CCDC88A: variants seen among roughly 807,000 people sequenced by gnomAD.
The protein encoded by CCDC88A is girdin.
Under a neutral mutation model 234.3 loss-of-function variants are expected in CCDC88A, and 54 were observed. The ratio of observed to expected loss-of-function variants is 0.23; its 90% CI spans 0.19 to 0.29. CCDC88A has a LOEUF of 0.29. CCDC88A is among the 10% of genes least tolerant of loss of function. The pLI, the probability that CCDC88A is intolerant of heterozygous loss-of-function variation, is 1.00. For synonymous variants in CCDC88A, 753 were observed against 737.8 expected (o/e 1.02, Z -0.33); for missense variants, 1,832 against 2,123.4 (o/e 0.86, Z 2.70).
chr2:55,301,046 G>T, intron 28 of CCDC88A, 160 bp downstream of exon 28: 1 of 578,186 alleles, frequency 1.7e-6, no homozygotes, highest in East Asian at 3.3e-5. Context: ...AGAGGCAGAA[G>T]GGAGTATTAG....
At chr2:55,349,632 T>C (rs1269792095) in intron 8 of CCDC88A, 33 bp from the exon 9 acceptor site, 4 of 1,468,240 alleles carry the variant, frequency 2.7e-6, no homozygotes, top group Non-Finnish European at 3.8e-6. Context: ...TTAAGTATAC[T>C]ATTTTTGAAA....
Position 55,301,233 on chromosome 2 carries a change from C to A in CCDC88A, c.4717G>T (p.Asp1573Tyr). Residue 1573 changes from aspartate (D) to tyrosine (Y), a missense_variant, in exon 28 of 33, where the codon GAT becomes TAT. Asp to Tyr is a radical substitution (Grantham distance 160). This residue lies in a region of CCDC88A where 422 missense variants were observed against 416.5 expected (regional missense o/e 1.01). Coordinates refer to ENST00000436346, the MANE Select transcript of CCDC88A (RefSeq NM_001365480.1). ...EDISPQGVSD[D>Y]SSTGSRVHAS... ...TGAACTCTTGATCCCGTACTAGAATCATCACTAACACCTTGTGGACTTATG... is the reference window on the plus strand; with the variant it reads ...TGAACTCTTGATCCCGTACTAGAATAATCACTAACACCTTGTGGACTTATG... The A allele has an allele frequency of 6.3e-7, 1 of 1,597,084 alleles. No homozygotes were observed. Among genetic ancestry groups the A allele is most frequent in the South Asian group, 1.1e-5 (1 of 89,406 alleles).
intron 2 of CCDC88A, chr2:55,403,502 C>T (rs1227698754): frequency 6.6e-6 from 1 of 152,238 alleles, no homozygotes; most frequent in African/African-American, 2.4e-5. Flanking sequence ...ATTGCCCACA[C>T]AATTTGGTAC....
intron 2 of CCDC88A, among the ~76,000 whole-genome samples, chr2:55,409,002 T>C (rs1034548750): frequency 6.6e-6 from 1 of 151,346 alleles, no homozygotes; most frequent in African/African-American, 2.5e-5. Context: ...CAATTCTGAA[T>C]AAATTCTACA....
At chr2:55,321,408 A>G (rs1333397059) in intron 18 of CCDC88A, among the ~76,000 whole-genome samples, 1 of 151,558 alleles carries the variant, frequency 6.6e-6, no homozygotes. Flanking sequence ...AAAATTAGCC[A>G]GGCGTGGTGG....
intron 2 of CCDC88A, among the ~76,000 whole-genome samples, chr2:55,402,700 T>G (rs1322444487): frequency 3.6e-5 from 4 of 111,434 alleles, no homozygotes; most frequent in Admixed American, 2.7e-4. Context: ...CGGCACATTT[T>G]ATTACTATTT....
chr2:55,397,261 A>C (rs542137910), intron 2 of CCDC88A: 3 of 151,882 alleles, frequency 2.0e-5, no homozygotes, highest in Admixed American at 6.6e-5. Context: ...CACCTGACTA[A>C]TTTTTGTATT....
At chr2:55,338,476 G>A (rs1370271871) in intron 13 of CCDC88A, among the ~76,000 whole-genome samples, 1 of 152,168 alleles carries the variant, frequency 6.6e-6, no homozygotes, top group Non-Finnish European at 1.5e-5. Flanking sequence ...AATTATGTGT[G>A]CAGAAAGATA....
intron 2 of CCDC88A, among the ~76,000 whole-genome samples, chr2:55,400,034 A>C (rs1574468797): frequency 6.6e-6 from 1 of 152,348 alleles, no homozygotes; most frequent in South Asian, 2.1e-4. Flanking sequence ...ATGCTCTAAA[A>C]AGAAATGTAG....
intron 6 of CCDC88A, 79 bp from the exon 7 acceptor site, chr2:55,362,527 G>T: frequency 1.7e-6 from 2 of 1,207,618 alleles, no homozygotes; most frequent in Non-Finnish European, 2.3e-6. Context: ...TACAATATTA[G>T]CCCAAGTATT....
At chr2:55,411,629 C>T (rs949661899) in intron 2 of CCDC88A, among the ~76,000 whole-genome samples, 9 of 151,474 alleles carry the variant, frequency 5.9e-5, no homozygotes, top group African/African-American at 2.2e-4. Flanking sequence ...AAACACAAAA[C>T]TTCACCAGGC....
intron 2 of CCDC88A, among the ~76,000 whole-genome samples, chr2:55,402,816 T>A (rs1454626001): frequency 2.0e-5 from 3 of 151,686 alleles, no homozygotes; most frequent in Non-Finnish European, 4.4e-5. Flanking sequence ...GAGACCATCC[T>A]GGCTAATATG....
chr2:55,410,630 ATC>A (rs1338650961), intron 2 of CCDC88A, among the ~76,000 whole-genome samples: 1 of 152,138 alleles, frequency 6.6e-6, no homozygotes, highest in East Asian at 1.9e-4. Context: ...CACGCCTCTA[ATC>A]TCTGCACTTT....
chr2:55,299,128 T>C (rs532149684), intron 29 of CCDC88A, among the ~76,000 whole-genome samples: 2 of 149,850 alleles, frequency 1.3e-5, no homozygotes, highest in Admixed American at 6.6e-5. Context: ...GGCTTGAACC[T>C]GGGAGGTGGA....
chr2:55,303,917 CA>C (rs1681209121), intron 25 of CCDC88A, among the ~76,000 whole-genome samples: 1 of 151,996 alleles, frequency 6.6e-6, no homozygotes, highest in African/African-American at 2.4e-5. Flanking sequence ...TTTTGGAAAA[CA>C]AAAATAACTT....
chr2:55,378,512 T>C (rs1182899555), intron 3 of CCDC88A, among the ~76,000 whole-genome samples: 1 of 151,970 alleles, frequency 6.6e-6, no homozygotes, highest in Non-Finnish European at 1.5e-5. Context: ...TGGGAGAGGG[T>C]AGGAAGTGAA....
At chr2:55,344,035 T>C (rs1319089105) in intron 11 of CCDC88A, 1 of 391,244 alleles carries the variant, frequency 2.6e-6, no homozygotes, top group East Asian at 4.1e-5. Context: ...GTCAACATAC[T>C]GTTTTAGTGA....
intron 16 of CCDC88A, among the ~76,000 whole-genome samples, chr2:55,330,798 C>T (rs933305072): frequency 6.6e-6 from 1 of 152,168 alleles, no homozygotes; most frequent in Non-Finnish European, 1.5e-5. Context: ...CCTATCCTGT[C>T]TCTGTGCTTC....
chr2:55,344,500 G>T lies in CCDC88A; in HGVS notation c.1056C>A (p.Asp352Glu). The T allele has an allele frequency of 6.5e-7, 1 of 1,543,632 alleles. No homozygotes were observed. The highest frequency in any genetic ancestry group is 8.8e-7 in the Non-Finnish European group (1 of 1,134,528). ...TTTTTGTTTCTAATAAAACTTGATT[G>T]TCTTCTTTTAATTCCTATAAATGTT... ...YKARVEELKE[D>E]NQVLLETKTM... Residue 352 changes from aspartate to glutamate, a missense_variant, in exon 11 of 33, where the codon GAC becomes GAA. Around this residue, in one of 6 missense-constraint regions of CCDC88A, gnomAD observed 1,282 missense variants for 1,543.6 expected, o/e 0.83. Coordinates refer to ENST00000436346, the MANE Select transcript of CCDC88A (RefSeq NM_001365480.1).
Sources: gnomAD v4.1 joint callset for allele counts (sites outside exome capture counted in the v4.1 genomes callset) on GRCh38, gnomAD v4.1.1 for gene constraint, gnomAD v4.1.1 regional missense constraint, MANE v1.5 for transcripts, NCBI Gene and HGNC (gene_info 2026-07-23, HGNC 2026-07-21) for gene names.